The following PARP8 variants were observed in gnomAD, a reference collection of about 807,000 sequenced individuals.
The protein encoded by PARP8 is poly(ADP-ribose) polymerase family member 8, also known as protein mono-ADP-ribosyltransferase PARP8.
A neutral mutation model predicts 124.1 loss-of-function variants in PARP8; 51 were observed. That is an observed-to-expected ratio of 0.41 (90% CI 0.33 to 0.52). The LOEUF is 0.52. Ranked by LOEUF, PARP8 falls within the 20% of genes least tolerant of loss-of-function variation. PARP8 has a pLI of 0.21. For synonymous variants in PARP8, 391 were observed against 361.5 expected (o/e 1.08, Z -0.93); for missense variants, 860 against 1,018.9 (o/e 0.84, Z 2.12).
chr5:50,747,163 G>GTTTTTTTTTTTTTTTTTTTTTTGT (rs1211253892), intron 2 of PARP8, among the ~76,000 whole-genome samples: 1 of 95,504 alleles, frequency 1.0e-5, no homozygotes, highest in African/African-American at 4.1e-5. Flanking sequence ...TGTTTGTTTT[G>GTTTTTTTTTTTTTTTTTTTTTTGT]TTTTTTTTTT....
intron 9 of PARP8, among the ~76,000 whole-genome samples, chr5:50,782,506 T>C (rs1740784803): frequency 6.6e-6 from 1 of 151,190 alleles, no homozygotes; most frequent in Non-Finnish European, 1.5e-5. Context: ...CTTTAACTTA[T>C]TATTCCAGGA....
chr5:50,693,785 T>C, intron 2 of PARP8, among the ~76,000 whole-genome samples: 2 of 151,578 alleles, frequency 1.3e-5, no homozygotes, highest in South Asian at 4.2e-4. Context: ...AATTATATGA[T>C]TGAGTTATGT....
rs189676230 is a variant in PARP8 at position 50,770,495 on chromosome 5, A to G, written c.518+7253A>G. On this transcript the variant is annotated intron_variant, in intron 7 of 25. Transcript: ENST00000281631. ...TGTTTTGAACAGATCTGTGAACTAC[A>G]AATGGTTTTGCTTTTTAAAAGGGTT... Among the ~76,000 whole-genome samples, 296 of 152,090 alleles carry G rather than the reference A, an allele frequency of 1.9e-3. 3 individuals are homozygous for G. The highest frequency in any genetic ancestry group is 6.7e-3 in the African/African-American group (280 of 41,484).
intron 14 of PARP8, among the ~76,000 whole-genome samples, chr5:50,811,665 G>C (rs1744460589): frequency 6.6e-6 from 1 of 151,888 alleles, no homozygotes; most frequent in African/African-American, 2.4e-5. Context: ...ATGTATACAT[G>C]TGCCATGTTG....
intron 2 of PARP8, among the ~76,000 whole-genome samples, chr5:50,749,908 G>T (rs1421194744): frequency 6.6e-6 from 1 of 151,972 alleles, no homozygotes; most frequent in Non-Finnish European, 1.5e-5. Context: ...ATCCCTGTTG[G>T]GAGAAAGATA....
At chr5:50,735,963 C>A (rs1374858177) in intron 2 of PARP8, among the ~76,000 whole-genome samples, 4 of 150,114 alleles carry the variant, frequency 2.7e-5, no homozygotes, top group African/African-American at 9.8e-5. Context: ...GATTCCCCCC[C>A]CCCCTTTTAT....
At chr5:50,830,174 T>TA (rs1159439531) in intron 22 of PARP8, among the ~76,000 whole-genome samples, 1 of 152,264 alleles carries the variant, frequency 6.6e-6, no homozygotes, top group South Asian at 2.1e-4. Context: ...TTCATCAATT[T>TA]AAAAAAATAT....
At chr5:50,792,437 A>G (rs1285413206) in intron 10 of PARP8, among the ~76,000 whole-genome samples, 4 of 152,006 alleles carry the variant, frequency 2.6e-5, no homozygotes, top group Non-Finnish European at 5.9e-5. Flanking sequence ...TTTGAATCCT[A>G]ATGTAATATA....
chr5:50,836,139 G>A (rs1344924879), intron 25 of PARP8, among the ~76,000 whole-genome samples: 3 of 152,130 alleles, frequency 2.0e-5, no homozygotes, highest in African/African-American at 7.2e-5. Flanking sequence ...TGGATGATTT[G>A]AAAACTGTGA....
intron 3 of PARP8, among the ~76,000 whole-genome samples, chr5:50,755,447 C>G (rs1759822386): frequency 6.6e-6 from 1 of 152,148 alleles, no homozygotes; most frequent in Admixed American, 6.5e-5. Context: ...AATCCTTTCC[C>G]CATTTCTCAC....
chr5:50,834,472 A>T (rs1313792227), intron 24 of PARP8, among the ~76,000 whole-genome samples: 1 of 152,174 alleles, frequency 6.6e-6, no homozygotes, highest in East Asian at 1.9e-4. Context: ...TTCTGTACTG[A>T]GGACAGAAAA....
intron 2 of PARP8, among the ~76,000 whole-genome samples, chr5:50,733,411 G>GT (rs980322232): frequency 2.0e-5 from 3 of 152,052 alleles, no homozygotes; most frequent in Non-Finnish European, 2.9e-5. Context: ...AGTACCAATA[G>GT]TTTTTTAAAA....
intron 7 of PARP8, 163 bp downstream of exon 7, chr5:50,763,405 T>G: frequency 3.5e-6 from 2 of 571,920 alleles, no homozygotes; most frequent in Non-Finnish European, 6.2e-6. Context: ...TATTTATGGC[T>G]ATTTTTTTGA....
At chr5:50,674,466 T>C (rs1430371846) in intron 2 of PARP8, among the ~76,000 whole-genome samples, 1 of 152,254 alleles carries the variant, frequency 6.6e-6, no homozygotes, top group African/African-American at 2.4e-5. Context: ...CTTAACCTAG[T>C]GTCTTAAAAT....
At chr5:50,828,261 A>G in intron 20 of PARP8, 51 bp from the exon 21 acceptor site, 20 of 1,536,580 alleles carry the variant, frequency 1.3e-5, no homozygotes, top group Non-Finnish European at 1.8e-5. Context: ...GACCACTTTG[A>G]AGATAATTAA....
At chr5:50,814,266 A>C (rs1744834002) in intron 14 of PARP8, among the ~76,000 whole-genome samples, 1 of 152,174 alleles carries the variant, frequency 6.6e-6, no homozygotes, top group Non-Finnish European at 1.5e-5. Flanking sequence ...TTTAGGGTAA[A>C]GCATATAAAC....
chr5:50,830,108 C>A (rs1465096002), intron 22 of PARP8, 147 bp downstream of exon 22: 3 of 965,558 alleles, frequency 3.1e-6, no homozygotes, highest in Non-Finnish European at 4.2e-6. Context: ...AAAACAAAGC[C>A]CATTTTCAAG....
At chr5:50,800,308 T>C (rs917120719) in intron 14 of PARP8, among the ~76,000 whole-genome samples, 3 of 152,242 alleles carry the variant, frequency 2.0e-5, no homozygotes, top group African/African-American at 4.8e-5. Flanking sequence ...GCTGAACTTA[T>C]TTGTTAGCTC....
Position 50,818,120 on chromosome 5 carries a change from A to T in PARP8, c.1668+2596A>T, listed in dbSNP as rs191087873. Among the ~76,000 whole-genome samples, 50 of 151,072 alleles carry T rather than the reference A, an allele frequency of 3.3e-4. 1 individual carries two copies. The East Asian group carries it at 7.2e-3, about 22-fold the overall frequency. ...CATAGCATGCATCATATATACTAAG[A>T]TTCTATTTAGAATCTTTAATTTTAA... is the stretch of plus-strand genomic sequence containing the variant. On this transcript the variant is annotated intron_variant, in intron 15 of 25. Transcript: ENST00000281631.
Sources: allele counts gnomAD v4.1 joint callset (sites outside exome capture counted in the v4.1 genomes callset), GRCh38; gene constraint gnomAD v4.1.1; transcripts MANE v1.5; gene names NCBI Gene and HGNC (gene_info 2026-07-23, HGNC 2026-07-21).